GNAS: variants seen among roughly 807,000 people sequenced by gnomAD.
GNAS encodes GNAS complex locus.
A neutral mutation model predicts 54.5 loss-of-function variants in GNAS; 8 were observed. That is an observed-to-expected ratio of 0.15 (90% CI 0.09 to 0.26). GNAS has a LOEUF of 0.26. Ranked by LOEUF, GNAS falls within the 10% of genes least tolerant of loss-of-function variation. GNAS has a pLI of 1.00. For synonymous variants in GNAS, 204 were observed against 191.4 expected (o/e 1.07, Z -0.54); for missense variants, 170 against 529.8 (o/e 0.32, Z 6.67).
intron 1 of GNAS, among the ~76,000 whole-genome samples, chr20:58,845,722 A>G (rs1198913622): frequency 6.6e-6 from 1 of 152,188 alleles, no homozygotes; most frequent in Non-Finnish European, 1.5e-5. Flanking sequence ...TCCAATAGCT[A>G]TGCTGGTCCA....
At position 58,841,983 on chromosome 20, in the gene GNAS, T is replaced by G. The variant is rs1038680827; in HGVS notation, c.43+1097T>G. The G allele has an allele frequency of 3.2e-5, 32 of 1,009,384 alleles. No individual in the cohort carries two copies. In the African/African-American group the frequency reaches 4.3e-4, roughly 14 times the overall value. The allele number at this position is 1,009,384 out of a possible 1,614,324, so 62.5% of individuals were successfully genotyped here. A position where few individuals can be genotyped will look rare whatever the true frequency, so the allele number is the denominator to read the frequency against. On this transcript the variant is annotated intron_variant, in intron 1 of 12. Transcript: ENST00000306090. The surrounding 1 kb of genome is among the most constrained non-coding windows in gnomAD (Gnocchi z 5.0). ...GTACGCGCAGAGCTGGGGAAAGGTG[T>G]TGGATCCGGCGCCAGTCCTTGGACG... is the stretch of plus-strand genomic sequence containing the variant.
At chr20:58,882,877 G>A (rs2088331764) in intron 1 of GNAS, 1 of 152,130 alleles carries the variant, frequency 6.6e-6, no homozygotes, top group African/African-American at 2.4e-5. Flanking sequence ...TCCAGAATGA[G>A]AAGTTAGATT....
intron 1 of GNAS, among the ~76,000 whole-genome samples, chr20:58,880,750 T>C (rs2088174752): frequency 6.6e-6 from 1 of 152,196 alleles, no homozygotes; most frequent in Non-Finnish European, 1.5e-5. Flanking sequence ...AAATTATCCA[T>C]CTATTTTTTT....
At chr20:58,872,152 C>T (rs1482107187) in intron 1 of GNAS, among the ~76,000 whole-genome samples, 1 of 152,214 alleles carries the variant, frequency 6.6e-6, no homozygotes, top group Non-Finnish European at 1.5e-5. Context: ...CCACTGCCCT[C>T]TCACCTCTTA....
At chr20:58,885,054 C>T (rs1212904521) in intron 1 of GNAS, 1 of 152,226 alleles carries the variant, frequency 6.6e-6, no homozygotes, top group Non-Finnish European at 1.5e-5. Flanking sequence ...ATCATTTAGG[C>T]TTCTAAAAGG....
rs558991494 is a variant in GNAS, at chr20:58,892,106, C to T, written c.139+241C>T. On this transcript the variant is annotated intron_variant, in intron 1 of 12. Coordinates refer to ENST00000371085, the MANE Select transcript of GNAS (RefSeq NM_000516.7). ...GACGCGGGCGCGGGTCCCCCTCCCC[C>T]GGCCTGCCCGCTCAGTGTCTCTCTC... is the stretch of plus-strand genomic sequence containing the variant. 2.0e-3 allele frequency: 1,909 copies of T among 968,012 alleles called. 2 individuals are homozygous for T. Among genetic ancestry groups the T allele is most frequent in the Non-Finnish European group, 2.2e-3 (1,774 of 814,696 alleles). 60.0% of individuals were successfully genotyped at this position (968,012 alleles called of 1,614,324 possible).
intron 1 of GNAS, among the ~76,000 whole-genome samples, chr20:58,859,816 G>C (rs1196107840): frequency 6.6e-6 from 1 of 151,868 alleles, no homozygotes; most frequent in Non-Finnish European, 1.5e-5. Context: ...AGTAGAGATG[G>C]GGTTTCACCA....
intron 3 of GNAS, 191 bp from the exon 4 acceptor site, chr20:58,903,340 C>T: frequency 1.5e-6 from 1 of 683,888 alleles, no homozygotes; most frequent in Non-Finnish European, 2.6e-6. Flanking sequence ...GGCGTGTCCT[C>T]AGGGCACATT....
rs185981448 is a variant in GNAS, at chr20:58,909,062, C to T, written c.531-100C>T. 8.6e-5 allele frequency: 82 copies of T among 951,306 alleles called. No homozygotes were observed. The highest frequency in any genetic ancestry group is 7.4e-4 in the Admixed American group (44 of 59,218). The allele number at this position is 951,306 out of a possible 1,614,324, so 58.9% of individuals were successfully genotyped here. Reference sequence around the variant, plus strand: ...GACTTAGTGCTGCATAACTGTGGGACGGTCACTTCCGTTGAGCCTGACCTT... The same window carrying T: ...GACTTAGTGCTGCATAACTGTGGGATGGTCACTTCCGTTGAGCCTGACCTT... On this transcript the variant is annotated intron_variant, in intron 6 of 12. Transcript: ENST00000371085. The surrounding 1 kb of genome is among the most constrained non-coding windows in gnomAD (Gnocchi z 7.3).
Position 58,910,283 on chromosome 20 carries a change from A to C in GNAS, c.971-51A>C, listed in dbSNP as rs893293059. ...GGAGCTACAGAGATGCTAGCACCCC[A>C]GCTCTGCTTGAATTTTAAATTACAT... On this transcript the variant is annotated intron_variant, in intron 11 of 12. Transcript: ENST00000371085. This position sits in a 1 kb window ranked among gnomAD's most constrained non-coding sequence, Gnocchi z 5.8. The C allele has an allele frequency of 7.1e-7, 1 of 1,414,090 alleles. No homozygotes were observed. The highest frequency in any genetic ancestry group is 1.4e-5 in the African/African-American group (1 of 71,108). The allele number at this position is 1,414,090 out of a possible 1,614,324, so 87.6% of individuals were successfully genotyped here. A position where few individuals can be genotyped will look rare whatever the true frequency, so the allele number is the denominator to read the frequency against.
chr20:58,845,172 G>T (rs554117064), intron 1 of GNAS, among the ~76,000 whole-genome samples: 1 of 152,132 alleles, frequency 6.6e-6, no homozygotes, highest in Non-Finnish European at 1.5e-5. Flanking sequence ...TGTGGGGGAC[G>T]GCAGACTGAT....
chr20:58,877,005 G>A (rs1373525430), intron 1 of GNAS: 4 of 152,198 alleles, frequency 2.6e-5, no homozygotes, highest in Non-Finnish European at 5.9e-5. Context: ...CATCACCAAA[G>A]GGCCTGATTT....
intron 1 of GNAS, chr20:58,892,144 T>A: frequency 2.1e-6 from 2 of 960,634 alleles, no homozygotes; most frequent in Non-Finnish European, 2.5e-6. Flanking sequence ...GCTCTCGCTC[T>A]CGCTCTCCCC....
chr20:58,868,286 T>G (rs1481688219), intron 1 of GNAS, among the ~76,000 whole-genome samples: 4 of 152,162 alleles, frequency 2.6e-5, no homozygotes, highest in Non-Finnish European at 4.4e-5. Flanking sequence ...CCCAAAGTGC[T>G]GGGATTACAG....
At chr20:58,869,496 A>G (rs976881730) in intron 1 of GNAS, among the ~76,000 whole-genome samples, 20 of 152,214 alleles carry the variant, frequency 1.3e-4, no homozygotes, top group Non-Finnish European at 2.6e-4. Context: ...ATCAAGGGCT[A>G]GAAAAGAGGT....
At position 58,909,678 on chromosome 20, in the gene GNAS, G is replaced by A; in HGVS notation, c.719-6G>A. The A allele has an allele frequency of 2.5e-6, 4 of 1,614,128 alleles. No individual in the cohort carries two copies. The highest frequency in any genetic ancestry group is 3.4e-6 in the Non-Finnish European group (4 of 1,180,028). On this transcript the variant is annotated splice_region_variant and splice_polypyrimidine_tract_variant and intron_variant, in intron 9 of 12. Transcript: ENST00000371085. This position sits in a 1 kb window ranked among gnomAD's most constrained non-coding sequence, Gnocchi z 7.3. ...CACGCTCTTGGCTTTGCTCTCTTTG[G>A]TTAAGATGTGACTGCCATCATCTTC...
intron 1 of GNAS, among the ~76,000 whole-genome samples, chr20:58,884,148 C>T (rs933239967): frequency 3.3e-5 from 5 of 152,132 alleles, no homozygotes; most frequent in Admixed American, 6.5e-5. Context: ...TAGACCATAA[C>T]GGCAGGGCTG....
intron 1 of GNAS, among the ~76,000 whole-genome samples, chr20:58,870,665 G>A (rs926415059): frequency 6.6e-6 from 1 of 152,172 alleles, no homozygotes; most frequent in African/African-American, 2.4e-5. Context: ...TCTCAGGGGA[G>A]GGGTGGTTGG....
chr20:58,898,893 A>G (rs758250451), intron 2 of GNAS, 48 bp from the exon 3 acceptor site: 1 of 1,509,054 alleles, frequency 6.6e-7, no homozygotes, highest in Non-Finnish European at 9.2e-7. Flanking sequence ...TTTGTGTGAC[A>G]CTGCGGTGCC....
Sources: allele counts gnomAD v4.1 joint callset (sites outside exome capture counted in the v4.1 genomes callset), GRCh38; gene constraint gnomAD v4.1.1; non-coding constraint Gnocchi (gnomAD v3.1); transcripts MANE v1.5; gene names NCBI Gene and HGNC (gene_info 2026-07-23, HGNC 2026-07-21).